The following RAP1GAP variants were observed in gnomAD, a reference collection of about 807,000 sequenced individuals.
RAP1GAP encodes the protein rap1 GTPase-activating protein 1.
In RAP1GAP, 35 loss-of-function variants were observed where a neutral mutation model predicts 87.2. That is an observed-to-expected ratio of 0.40 (90% CI 0.31 to 0.53). RAP1GAP has a LOEUF of 0.53. Ranked by LOEUF, RAP1GAP falls within the 20% of genes least tolerant of loss-of-function variation. The pLI is 0.48. For synonymous variants in RAP1GAP, 375 were observed against 363.9 expected (o/e 1.03, Z -0.35); for missense variants, 734 against 898.9 (o/e 0.82, Z 2.35).
chr1:21,645,733 T>C (rs1299546142), intron 2 of RAP1GAP, among the ~76,000 whole-genome samples: 1 of 152,136 alleles, frequency 6.6e-6, no homozygotes, highest in African/African-American at 2.4e-5. Context: ...CAGCTGCCCG[T>C]CGGGGGCCTG....
Position 21,649,786 on chromosome 1 carries a change from A to T in RAP1GAP, c.-138T>A, listed in dbSNP as rs571542506. Reference sequence around the variant, plus strand: ...CACACACTCCGGCGAGAAGTGAAGGACTTGTCCACCCTGAAACACAACAAG... The same window carrying T: ...CACACACTCCGGCGAGAAGTGAAGGTCTTGTCCACCCTGAAACACAACAAG... On this transcript the variant is annotated 5_prime_UTR_variant, in exon 2 of 25. Transcript: ENST00000374765. The T allele has an allele frequency of 6.4e-7, 1 of 1,552,340 alleles. No homozygotes were observed. Among genetic ancestry groups the T allele is most frequent in the East Asian group, 2.4e-5 (1 of 40,932 alleles).
At position 21,597,281 on chromosome 1, in the gene RAP1GAP, G is replaced by A. The variant is rs1040874338; in HGVS notation, c.*35-17C>T. ...TGGCCTCATCTGCAGGGCAAAGGGG[G>A]ATGGAGACACCATGAAACATGGCAT... On this transcript the variant is annotated splice_polypyrimidine_tract_variant and intron_variant, in intron 24 of 24. Coordinates refer to ENST00000374765, the MANE Select transcript of RAP1GAP (RefSeq NM_002885.4). 2 of 180,636 alleles carry A rather than the reference G, an allele frequency of 1.1e-5. No homozygotes were observed. The highest frequency in any genetic ancestry group is 4.7e-5 in the African/African-American group (2 of 42,372). The allele number at this position is 180,636 out of a possible 1,614,324, so 11.2% of individuals were successfully genotyped here. A position where few individuals can be genotyped will look rare whatever the true frequency, so the allele number is the denominator to read the frequency against.
At chr1:21,651,874 C>G (rs2096601941) in intron 1 of RAP1GAP, 3 of 1,045,612 alleles carry the variant, frequency 2.9e-6, no homozygotes, top group South Asian at 4.4e-5. Context: ...GCCGCCTTCC[C>G]GCGCCCGGGT....
intron 2 of RAP1GAP, among the ~76,000 whole-genome samples, chr1:21,635,680 G>T (rs79286654): frequency 6.6e-5 from 10 of 152,364 alleles, no homozygotes; most frequent in African/African-American, 2.4e-4. Flanking sequence ...GTGAGCAGAA[G>T]TCCCTGCCCC....
At position 21,602,817 on chromosome 1, in the gene RAP1GAP, C is replaced by A. The variant is rs920051738; in HGVS notation, c.1525G>T (p.Val509Leu). The change falls in exon 19 of 25, where the codon GTG (valine) becomes TTG (leucine). Residue 509 changes from valine to leucine, a missense_variant. Transcript: ENST00000374765. ...SAIGIENIQEVQEKRESPPAG... is the reference protein window; with the variant it reads ...SAIGIENIQELQEKRESPPAG... Reference sequence around the variant, plus strand: ...CCACTCACCCACCTCTTCTCCTGCACCTCCTGTATGTTCTCGATGCCAATG... The same window carrying A: ...CCACTCACCCACCTCTTCTCCTGCAACTCCTGTATGTTCTCGATGCCAATG... 5.6e-6 allele frequency: 9 copies of A among 1,608,506 alleles called. No homozygotes were observed. Among genetic ancestry groups the A allele is most frequent in the South Asian group, 1.1e-5 (1 of 91,014 alleles).
intron 2 of RAP1GAP, among the ~76,000 whole-genome samples, chr1:21,640,213 G>T (rs1426625084): frequency 6.6e-6 from 1 of 152,088 alleles, no homozygotes; most frequent in East Asian, 1.9e-4. Flanking sequence ...CGTCCGCTTG[G>T]ATCACATTTC....
intron 1 of RAP1GAP, among the ~76,000 whole-genome samples, chr1:21,663,042 G>A (rs1170700077): frequency 6.6e-6 from 1 of 152,164 alleles, no homozygotes; most frequent in Non-Finnish European, 1.5e-5. Context: ...CTGCCATTGG[G>A]TGGGCCCAGC....
chr1:21,599,701 C>G, intron 20 of RAP1GAP, 84 bp from the exon 21 acceptor site: 1 of 1,515,130 alleles, frequency 6.6e-7, no homozygotes, highest in Non-Finnish European at 8.8e-7. Context: ...CTCCCCAACC[C>G]GGGAGGCCCA....
intron 16 of RAP1GAP, among the ~76,000 whole-genome samples, 168 bp downstream of exon 16, chr1:21,608,682 T>G (rs868845231): frequency 3.4e-5 from 5 of 145,232 alleles, no homozygotes; most frequent in Middle Eastern, 3.6e-3. Context: ...TCAGTATCCC[T>G]CCGGCTTCCT....
At chr1:21,653,605 TCC>T (rs2096736750) in intron 1 of RAP1GAP, among the ~76,000 whole-genome samples, 2 of 145,230 alleles carry the variant, frequency 1.4e-5, no homozygotes, top group African/African-American at 5.1e-5. Context: ...CCTCCCTCCC[TCC>T]CTCCTTCCTA....
At chr1:21,628,975 G>C (rs1182137447) in intron 2 of RAP1GAP, among the ~76,000 whole-genome samples, 1 of 152,122 alleles carries the variant, frequency 6.6e-6, no homozygotes, top group Non-Finnish European at 1.5e-5. Context: ...GGACTCTTTA[G>C]TGAGACCTAC....
chr1:21,598,023 C>A lies in RAP1GAP; in HGVS notation c.1921G>T (p.Asp641Tyr). The stretch of plus-strand genomic sequence containing the variant: ...ATCTTGATCTCGGGACACGCAGGGT[C>A]CCCCAACTTGCCGGCGTCTGGGTGG... ...SPHPDAGKLG[D>Y]PACPEIKIQL... Residue 641 changes from aspartate (D) to tyrosine (Y), a missense_variant, in exon 23 of 25, where the codon GAC (aspartate) becomes TAC (tyrosine). Physicochemically the swap from Asp to Tyr is radical, Grantham distance 160 (BLOSUM62 -3). This residue lies in a region of RAP1GAP where 249 missense variants were observed against 252.7 expected (regional missense o/e 0.99). Transcript: ENST00000374765. The A allele has an allele frequency of 1.3e-6, 2 of 1,584,208 alleles. No individual in the cohort carries two copies. Among genetic ancestry groups the A allele is most frequent in the Non-Finnish European group, 1.7e-6 (2 of 1,165,844 alleles).
chr1:21,652,568 G>C (rs957093921), intron 1 of RAP1GAP, among the ~76,000 whole-genome samples: 21 of 152,072 alleles, frequency 1.4e-4, no homozygotes, highest in African/African-American at 4.8e-4. Context: ...GAAGAGCAAA[G>C]GGGAGGAGTG....
Position 21,613,730 on chromosome 1 carries a change from G to A in RAP1GAP, c.396-24C>T. The A allele has an allele frequency of 6.3e-7, 1 of 1,590,238 alleles. No individual in the cohort carries two copies. Among genetic ancestry groups the A allele is most frequent in the South Asian group, 1.1e-5 (1 of 90,604 alleles). ...TCCTGAGAAGAGAAAGTCACACGAT[G>A]AAGGCCTGGGCAGCAGGACAGGAAA... On this transcript the variant is annotated intron_variant, in intron 8 of 24. Transcript: ENST00000374765. This position sits in a 1 kb window ranked among gnomAD's most constrained non-coding sequence, Gnocchi z 4.7.
intron 1 of RAP1GAP, among the ~76,000 whole-genome samples, chr1:21,665,717 G>T (rs1330377712): frequency 6.6e-6 from 1 of 152,178 alleles, no homozygotes; most frequent in East Asian, 1.9e-4. Flanking sequence ...GTCCACAAAT[G>T]TGAGCAACAT....
chr1:21,621,241 G>A (rs554695180), intron 3 of RAP1GAP, among the ~76,000 whole-genome samples: 9 of 152,142 alleles, frequency 5.9e-5, no homozygotes, highest in South Asian at 2.1e-4. Flanking sequence ...CCACAGAGGC[G>A]GGCAGGTGTG....
chr1:21,628,501 TG>T (rs2092953988), intron 2 of RAP1GAP, among the ~76,000 whole-genome samples: 1 of 148,318 alleles, frequency 6.7e-6, no homozygotes, highest in Non-Finnish European at 1.5e-5. Flanking sequence ...GGGCAGATCA[TG>T]AGGTCAAGAG....
At chr1:21,662,160 T>C (rs940788538) in intron 1 of RAP1GAP, among the ~76,000 whole-genome samples, 1 of 152,202 alleles carries the variant, frequency 6.6e-6, no homozygotes, top group Non-Finnish European at 1.5e-5. Context: ...AAGAGACCTG[T>C]ACCAAGGTCA....
At chr1:21,637,403 C>T (rs928248614) in intron 2 of RAP1GAP, among the ~76,000 whole-genome samples, 40 of 152,104 alleles carry the variant, frequency 2.6e-4, no homozygotes, top group African/African-American at 8.9e-4. Flanking sequence ...ATCCACCTGC[C>T]TCAGCCTCCC....
Sources: allele counts gnomAD v4.1 joint callset (sites outside exome capture counted in the v4.1 genomes callset), GRCh38; gene constraint gnomAD v4.1.1; regional missense constraint gnomAD v4.1.1; non-coding constraint Gnocchi (gnomAD v3.1); transcripts MANE v1.5; gene names NCBI Gene and HGNC (gene_info 2026-07-23, HGNC 2026-07-21).